CSNK2A1: variants seen among roughly 807,000 people sequenced by gnomAD.
CSNK2A1 encodes the protein casein kinase 2 alpha 1.
In CSNK2A1, 10 loss-of-function variants were observed where a neutral mutation model predicts 62.9. The ratio of observed to expected loss-of-function variants is 0.16; its 90% CI spans 0.10 to 0.27. The LOEUF (loss-of-function observed/expected upper bound fraction) is 0.27, where lower values mean the gene tolerates loss of function less well. CSNK2A1 is among the 10% of genes least tolerant of loss of function. The pLI, the probability that CSNK2A1 is intolerant of heterozygous loss-of-function variation, is 1.00. For missense variants in CSNK2A1, 160 were observed against 492.0 expected (o/e 0.33, Z 6.38); for synonymous variants, 124 against 167.8 (o/e 0.74, Z 2.02).
chr20:504,607 T>C (rs1018736606), intron 4 of CSNK2A1: 2 of 153,076 alleles, frequency 1.3e-5, no homozygotes, highest in Non-Finnish European at 2.9e-5. Flanking sequence ...AGGGCAATCA[T>C]CAGCTTCAGC....
chr20:511,447 A>T (rs1166167518), intron 2 of CSNK2A1, among the ~76,000 whole-genome samples: 1 of 152,100 alleles, frequency 6.6e-6, no homozygotes, highest in Non-Finnish European at 1.5e-5. Context: ...ATTTCTACAA[A>T]TTTTTACCAT....
At chr20:539,514 G>GA (rs2019404621) in intron 1 of CSNK2A1, 1 of 152,138 alleles carries the variant, frequency 6.6e-6, no homozygotes, top group African/African-American at 2.4e-5. Flanking sequence ...ACACCAGCCA[G>GA]AAAAAGTTCT....
rs2017892284 is a variant in CSNK2A1, at chr20:478,449, GCAGC to G, written c.*5508_*5511del. The G allele has an allele frequency of 1.4e-5, 3 of 220,380 alleles. No individual in the cohort carries two copies. The highest frequency in any genetic ancestry group is 1.3e-4 in the South Asian group (3 of 23,580). The allele number at this position is 220,380 out of a possible 1,614,324, so 13.7% of individuals were successfully genotyped here. ...GATCAGGAAGCCAGCCCCAGCTGCT[GCAGC>G]ATTTTTTTCCCTTTTTCTCATTACA... On this transcript the variant is annotated 3_prime_UTR_variant, in exon 14 of 14. Coordinates refer to ENST00000217244, the MANE Select transcript of CSNK2A1 (RefSeq NM_177559.3).
At chr20:530,208 T>C (rs1305824558) in intron 1 of CSNK2A1, among the ~76,000 whole-genome samples, 2 of 152,210 alleles carry the variant, frequency 1.3e-5, no homozygotes, top group East Asian at 1.9e-4. Context: ...TCTGTCTTCA[T>C]GTATTTGCCT....
chr20:495,853 T>C (rs370547342), intron 7 of CSNK2A1, 51 bp from the exon 8 acceptor site: 152 of 1,497,474 alleles, frequency 1.0e-4, no homozygotes, highest in Non-Finnish European at 1.3e-4. Flanking sequence ...TACGTAAGAG[T>C]CCTTTACTTT....
intron 2 of CSNK2A1, among the ~76,000 whole-genome samples, chr20:523,013 C>T (rs2018983402): frequency 6.6e-6 from 1 of 152,096 alleles, no homozygotes; most frequent in Non-Finnish European, 1.5e-5. Flanking sequence ...ACGGTTATGG[C>T]AAGATGTGAA....
Position 473,234 on chromosome 20 carries a change from G to GT in CSNK2A1, c.*10726dup, listed in dbSNP as rs1286626888. 2 of 152,416 alleles carry GT rather than the reference G, an allele frequency of 1.3e-5. No individual in the cohort carries two copies. Among genetic ancestry groups the GT allele is most frequent in the Non-Finnish European group, 2.9e-5 (2 of 68,244 alleles). The allele number at this position is 152,416 out of a possible 1,614,324, so 9.4% of individuals were successfully genotyped here. A position where few individuals can be genotyped will look rare whatever the true frequency, so the allele number is the denominator to read the frequency against. ...CTTCCCATACTCTTGTCTCTCTCCTGTAACATTTTTACTTCTAACTCAAGG... is the reference window on the plus strand; with the variant it reads ...CTTCCCATACTCTTGTCTCTCTCCTGTTAACATTTTTACTTCTAACTCAAGG... On this transcript the variant is annotated 3_prime_UTR_variant, in exon 14 of 14. Coordinates refer to ENST00000217244, the MANE Select transcript of CSNK2A1 (RefSeq NM_177559.3).
In CSNK2A1 at chr20:499,958, C is replaced by CAAAA. The variant is rs199709718; in HGVS notation, c.214-28_214-25dup. ...GGCTGAAAGGGGAAAAGTACATCAG[C>CAAAA]AAAAAAAAAAAAAAAAAATTTTTTC... is the stretch of plus-strand genomic sequence containing the variant. On this transcript the variant is annotated intron_variant, in intron 4 of 13. Coordinates refer to ENST00000217244, the MANE Select transcript of CSNK2A1 (RefSeq NM_177559.3). The surrounding 1 kb of genome is among the most constrained non-coding windows in gnomAD (Gnocchi z 4.2). The CAAAA allele has an allele frequency of 5.5e-6, 7 of 1,270,808 alleles. No homozygotes were observed. Among genetic ancestry groups the CAAAA allele is most frequent in the South Asian group, 1.4e-5 (1 of 71,756 alleles). The allele number at this position is 1,270,808 out of a possible 1,614,324, so 78.7% of individuals were successfully genotyped here. A position where few individuals can be genotyped will look rare whatever the true frequency, so the allele number is the denominator to read the frequency against.
chr20:496,096 C>T, intron 7 of CSNK2A1: 1 of 314,560 alleles, frequency 3.2e-6, no homozygotes, highest in Non-Finnish European at 6.1e-6. Flanking sequence ...CTGTCTTGTC[C>T]AGATCCTAGA....
chr20:519,733 GA>G (rs1224753527), intron 2 of CSNK2A1, among the ~76,000 whole-genome samples: 1 of 151,506 alleles, frequency 6.6e-6, no homozygotes, highest in Non-Finnish European at 1.5e-5. Flanking sequence ...TGTCTCTAAA[GA>G]AAAAAGAAAA....
chr20:499,177 C>G lies in CSNK2A1; in HGVS notation c.366+78G>C, dbSNP rs2122542685. 1 of 1,228,592 alleles carries G rather than the reference C, an allele frequency of 8.1e-7. No homozygotes were observed. Among genetic ancestry groups the G allele is most frequent in the East Asian group, 2.7e-5 (1 of 36,502 alleles). The allele number at this position is 1,228,592 out of a possible 1,614,324, so 76.1% of individuals were successfully genotyped here. A position where few individuals can be genotyped will look rare whatever the true frequency, so the allele number is the denominator to read the frequency against. On this transcript the variant is annotated intron_variant, in intron 6 of 13. Coordinates refer to ENST00000217244, the MANE Select transcript of CSNK2A1 (RefSeq NM_177559.3). The surrounding 1 kb of genome is among the most constrained non-coding windows in gnomAD (Gnocchi z 4.2). ...TTTTTAAAAACAAATGCGAAGCAAG[C>G]TCTTCTAACAGCATCATCCCCAAAG...
chr20:542,164 A>ACT (rs1326138138), intron 1 of CSNK2A1, among the ~76,000 whole-genome samples: 1 of 152,224 alleles, frequency 6.6e-6, no homozygotes, highest in African/African-American at 2.4e-5. Context: ...AAAGCTACTT[A>ACT]CTACACTTAC....
Position 488,778 on chromosome 20 carries a change from A to C in CSNK2A1, c.724T>G (p.Leu242Val), listed in dbSNP as rs1296884320. ...FFHGHDNYDQ[L>V]VRIAKVLGTE... ...CCCAGAACCTTGGCTATCCTCACCA[A>C]CTAGTATTAAAGAAAGACAAAAACC... Residue 242 changes from leucine to valine, a missense_variant and splice_region_variant, in exon 11 of 14, where the codon TTG (leucine) becomes GTG (valine). By Grantham distance (32) the Leu-to-Val change is conservative. This residue lies in a region of CSNK2A1 where 94 missense variants were observed against 357.6 expected (regional missense o/e 0.26). Coordinates refer to ENST00000217244, the MANE Select transcript of CSNK2A1 (RefSeq NM_177559.3). The C allele has an allele frequency of 6.2e-7, 1 of 1,610,762 alleles. No individual in the cohort carries two copies. Among genetic ancestry groups the C allele is most frequent in the Non-Finnish European group, 8.5e-7 (1 of 1,178,660 alleles).
At chr20:508,086 T>G in intron 3 of CSNK2A1, 1 of 172,444 alleles carries the variant, frequency 5.8e-6, no homozygotes, top group Non-Finnish European at 1.2e-5. Context: ...GATGTTACGA[T>G]GACATCACTA....
chr20:522,475 C>A (rs6037858), intron 2 of CSNK2A1, among the ~76,000 whole-genome samples: 4,194 of 152,236 alleles, frequency 0.028, 151 homozygotes, highest in East Asian at 0.087. Flanking sequence ...CATTCTATAA[C>A]ATACATCACC....
At chr20:509,184 T>C (rs1368485239) in intron 2 of CSNK2A1, among the ~76,000 whole-genome samples, 1 of 152,188 alleles carries the variant, frequency 6.6e-6, no homozygotes, top group South Asian at 2.1e-4. Context: ...CTTATACCAA[T>C]CCAAATCTTT....
intron 2 of CSNK2A1, among the ~76,000 whole-genome samples, chr20:523,662 C>T (rs577199614): frequency 1.6e-4 from 24 of 151,174 alleles, no homozygotes; most frequent in African/African-American, 3.9e-4. Flanking sequence ...GAGGCCGAAG[C>T]GGATGGATCA....
intron 10 of CSNK2A1, 133 bp downstream of exon 10, chr20:489,646 TG>T: frequency 1.7e-6 from 1 of 584,478 alleles, no homozygotes; most frequent in Non-Finnish European, 2.7e-6. Flanking sequence ...AAGGCTAAGC[TG>T]GTAGCTCCCG....
At chr20:501,539 A>G (rs998410608) in intron 4 of CSNK2A1, 1 of 152,232 alleles carries the variant, frequency 6.6e-6, no homozygotes, top group South Asian at 2.1e-4. Context: ...CAATATAAAA[A>G]TTATTAATCT....
Sources: gnomAD v4.1 joint callset for allele counts (sites outside exome capture counted in the v4.1 genomes callset) on GRCh38, gnomAD v4.1.1 for gene constraint, gnomAD v4.1.1 regional missense constraint, Gnocchi (gnomAD v3.1) non-coding constraint, MANE v1.5 for transcripts, NCBI Gene and HGNC (gene_info 2026-07-23, HGNC 2026-07-21) for gene names.